Variants in GNAQ observed in about 807,000 individuals in gnomAD.
GNAQ encodes the protein guanine nucleotide-binding protein G(q) subunit alpha.
A neutral mutation model predicts 43.9 loss-of-function variants in GNAQ; 8 were observed. The observed-to-expected ratio is 0.18, with a 90% CI of 0.11 to 0.33. GNAQ has a LOEUF of 0.33. GNAQ is among the 10% of genes least tolerant of loss of function. The probability of loss-of-function intolerance (pLI) is 1.00; values close to 1 mark genes in which losing one functional copy is unlikely to be tolerated. For synonymous variants in GNAQ, 155 were observed against 170.7 expected (o/e 0.91, Z 0.71); for missense variants, 158 against 450.8 (o/e 0.35, Z 5.88).
At chr9:77,753,833 C>T (rs1825856055) in intron 5 of GNAQ, among the ~76,000 whole-genome samples, 1 of 100,460 alleles carries the variant, frequency 1.0e-5, no homozygotes, top group South Asian at 3.5e-4. Context: ...AACCCATATA[C>T]TTGAATTAAT....
At chr9:77,879,474 T>G (rs2118058427) in intron 2 of GNAQ, among the ~76,000 whole-genome samples, 1 of 152,232 alleles carries the variant, frequency 6.6e-6, no homozygotes, top group South Asian at 2.1e-4. Flanking sequence ...GGCCTCAAAC[T>G]CCTGACCTCA....
chr9:77,953,088 T>C (rs969238140), intron 1 of GNAQ, among the ~76,000 whole-genome samples: 1 of 152,196 alleles, frequency 6.6e-6, no homozygotes, highest in Non-Finnish European at 1.5e-5. Flanking sequence ...TGAAGCCTAC[T>C]AGCTGGAAAT....
chr9:77,731,832 T>C (rs1320179855), intron 5 of GNAQ, among the ~76,000 whole-genome samples: 1 of 152,226 alleles, frequency 6.6e-6, no homozygotes, highest in Non-Finnish European at 1.5e-5. Flanking sequence ...ATTTTCATGA[T>C]AAGAAGTGCA....
At chr9:77,830,859 ACACAAT>A (rs930832343) in intron 2 of GNAQ, among the ~76,000 whole-genome samples, 4 of 152,190 alleles carry the variant, frequency 2.6e-5, no homozygotes, top group African/African-American at 9.7e-5. Flanking sequence ...ACACACACAC[ACACAAT>A]CAATGTGTGA....
At chr9:77,779,465 C>T (rs994062505) in intron 5 of GNAQ, among the ~76,000 whole-genome samples, 7 of 151,510 alleles carry the variant, frequency 4.6e-5, no homozygotes, top group African/African-American at 1.7e-4. Context: ...GAAGAAAGAT[C>T]TAAAATCGAT....
chr9:77,774,171 C>T (rs1826271093), intron 5 of GNAQ, among the ~76,000 whole-genome samples: 2 of 152,016 alleles, frequency 1.3e-5, no homozygotes, highest in Non-Finnish European at 2.9e-5. Context: ...TGCATTTGTT[C>T]CATCTAAGAT....
intron 2 of GNAQ, among the ~76,000 whole-genome samples, chr9:77,821,719 G>GTTGTAC (rs1261734465): frequency 1.8e-5 from 2 of 111,894 alleles, no homozygotes; most frequent in African/African-American, 7.4e-5. Flanking sequence ...TACTATCCTA[G>GTTGTAC]TATGGGTGTG....
chr9:77,806,621 G>T (rs1342821424), intron 3 of GNAQ, among the ~76,000 whole-genome samples: 1 of 152,172 alleles, frequency 6.6e-6, no homozygotes, highest in Non-Finnish European at 1.5e-5. Flanking sequence ...AGTAGAGGTG[G>T]GGATGGGTTA....
intron 3 of GNAQ, among the ~76,000 whole-genome samples, chr9:77,799,548 T>C (rs1826710983): frequency 6.6e-6 from 1 of 152,176 alleles, no homozygotes; most frequent in Non-Finnish European, 1.5e-5. Flanking sequence ...AATAGCATTC[T>C]TACCAGTGGT....
chr9:77,992,353 A>C (rs1381414735), intron 1 of GNAQ, among the ~76,000 whole-genome samples: 1 of 152,210 alleles, frequency 6.6e-6, no homozygotes, highest in Non-Finnish European at 1.5e-5. Flanking sequence ...ATCACTTGCA[A>C]GTTAACCGTA....
intron 1 of GNAQ, among the ~76,000 whole-genome samples, chr9:77,942,580 G>A (rs765317959): frequency 6.6e-6 from 1 of 152,062 alleles, no homozygotes; most frequent in Non-Finnish European, 1.5e-5. Context: ...AAATAATAAG[G>A]CATTCCCAAT....
chr9:77,831,488 A>T (rs1358886586), intron 2 of GNAQ, among the ~76,000 whole-genome samples: 1 of 152,188 alleles, frequency 6.6e-6, no homozygotes. Flanking sequence ...CACCCACCAG[A>T]AGTGGAAAAA....
intron 1 of GNAQ, among the ~76,000 whole-genome samples, chr9:77,949,555 A>G (rs554541436): frequency 1.3e-5 from 2 of 152,258 alleles, no homozygotes; most frequent in South Asian, 4.1e-4. Context: ...GTTGGAGTTA[A>G]TGAGGGAACA....
intron 1 of GNAQ, among the ~76,000 whole-genome samples, chr9:77,934,657 A>G (rs994309220): frequency 6.6e-6 from 1 of 152,202 alleles, no homozygotes; most frequent in Non-Finnish European, 1.5e-5. Context: ...GAGAATACTA[A>G]GAAGGACTTA....
intron 1 of GNAQ, among the ~76,000 whole-genome samples, chr9:77,979,445 TC>T (rs1215006138): frequency 6.6e-6 from 1 of 152,096 alleles, no homozygotes; most frequent in Non-Finnish European, 1.5e-5. Flanking sequence ...AATATTTGTG[TC>T]CATGTTGTTC....
chr9:77,941,038 A>C (rs1290717388), intron 1 of GNAQ, among the ~76,000 whole-genome samples: 1 of 152,230 alleles, frequency 6.6e-6, no homozygotes, highest in African/African-American at 2.4e-5. Context: ...AAAAAGTAAC[A>C]ACTAAAAAAT....
At chr9:77,826,625 C>T (rs949769778) in intron 2 of GNAQ, among the ~76,000 whole-genome samples, 12 of 152,192 alleles carry the variant, frequency 7.9e-5, no homozygotes, top group Non-Finnish European at 1.6e-4. Flanking sequence ...TAAGGGCCTA[C>T]GGCTTTGGAG....
chr9:77,745,531 A>C (rs1241810786), intron 5 of GNAQ, among the ~76,000 whole-genome samples: 1 of 152,212 alleles, frequency 6.6e-6, no homozygotes, highest in South Asian at 2.1e-4. Flanking sequence ...TGACTTAAGA[A>C]AGAAAATGTT....
At chr9:77,894,846 C>T (rs1417026578) in intron 2 of GNAQ, among the ~76,000 whole-genome samples, 2 of 151,696 alleles carry the variant, frequency 1.3e-5, no homozygotes, top group Non-Finnish European at 2.9e-5. Flanking sequence ...AAGAAGAATG[C>T]TAATTATACC....
Sources: gnomAD v4.1 joint callset for allele counts (sites outside exome capture counted in the v4.1 genomes callset) on GRCh38, gnomAD v4.1.1 for gene constraint, MANE v1.5 for transcripts, NCBI Gene and HGNC (gene_info 2026-07-23, HGNC 2026-07-21) for gene names.